The following SLC25A21 variants were observed in gnomAD, a reference collection of about 807,000 sequenced individuals.
SLC25A21 encodes solute carrier family 25 member 21.
SLC25A21 carries 47 observed loss-of-function variants against 43.8 expected under a neutral mutation model. That is an observed-to-expected ratio of 1.07 (90% CI 0.85 to 1.37). The LOEUF is 1.37. Among genes scored for constraint, SLC25A21 ranks in the 40% most tolerant of loss-of-function variants. SLC25A21 has a pLI of 0.00. For missense variants in SLC25A21, 352 were observed against 350.2 expected (o/e 1.00, Z -0.04); for synonymous variants, 131 against 121.3 (o/e 1.08, Z -0.52).
chr14:37,054,605 A>G (rs964044432), intron 1 of SLC25A21, among the ~76,000 whole-genome samples: 11 of 152,242 alleles, frequency 7.2e-5, no homozygotes, highest in Admixed American at 5.2e-4. Context: ...GGCTCTCAGG[A>G]GACTTGGTGA....
chr14:36,682,354 T>C (rs1882314873), intron 9 of SLC25A21, among the ~76,000 whole-genome samples: 1 of 152,162 alleles, frequency 6.6e-6, no homozygotes, highest in South Asian at 2.1e-4. Context: ...ATTCACAGTT[T>C]GGCTTAGCCT....
At chr14:37,074,380 T>C (rs1420921522) in intron 1 of SLC25A21, among the ~76,000 whole-genome samples, 2 of 152,240 alleles carry the variant, frequency 1.3e-5, no homozygotes, top group African/African-American at 4.8e-5. Context: ...TCCTCACTTA[T>C]GTTAGACATT....
At position 36,996,766 on chromosome 14, in the gene SLC25A21, CAGG is replaced by C. The variant is rs1960380700; in HGVS notation, c.71-121765_71-121763del. Among the ~76,000 whole-genome samples the C allele has an allele frequency of 2.6e-5, 4 of 152,266 alleles. No individual in the cohort carries two copies. In the South Asian group the frequency reaches 8.3e-4, roughly 32 times the overall value. ...CAGCCGAGGAGTCAGCACATTCTCA[CAGG>C]AGAAGTGACTTGGCCACGGCCCTGT... On this transcript the variant is annotated intron_variant, in intron 1 of 9. Coordinates refer to ENST00000331299, the MANE Select transcript of SLC25A21 (RefSeq NM_030631.4).
chr14:37,033,958 C>T (rs1961272484), intron 1 of SLC25A21, among the ~76,000 whole-genome samples: 1 of 151,864 alleles, frequency 6.6e-6, no homozygotes, highest in African/African-American at 2.4e-5. Context: ...TTCCATTTAG[C>T]AATTTGGAAT....
At chr14:36,746,597 T>A (rs550770994) in intron 3 of SLC25A21, among the ~76,000 whole-genome samples, 55 of 152,304 alleles carry the variant, frequency 3.6e-4, no homozygotes, top group Admixed American at 3.6e-3. Flanking sequence ...CTAAATCTAT[T>A]TTTTATTAAG....
intron 3 of SLC25A21, among the ~76,000 whole-genome samples, chr14:36,767,905 A>C (rs1886474432): frequency 6.6e-6 from 1 of 152,178 alleles, no homozygotes; most frequent in African/African-American, 2.4e-5. Context: ...CAGGCTTTGG[A>C]TCTGAAGTTT....
At chr14:36,712,928 A>G (rs759349967) in intron 6 of SLC25A21, among the ~76,000 whole-genome samples, 20 of 152,146 alleles carry the variant, frequency 1.3e-4, no homozygotes, top group Non-Finnish European at 2.8e-4. Context: ...GCAGAAACTC[A>G]TTTTTGTTGG....
At chr14:36,946,178 T>C (rs1213414979) in intron 1 of SLC25A21, among the ~76,000 whole-genome samples, 1 of 152,170 alleles carries the variant, frequency 6.6e-6, no homozygotes, top group Non-Finnish European at 1.5e-5. Context: ...GGAGACAAGT[T>C]TGCAAATGCA....
intron 1 of SLC25A21, among the ~76,000 whole-genome samples, chr14:36,877,289 C>G (rs538921210): frequency 6.6e-6 from 1 of 152,180 alleles, no homozygotes; most frequent in Non-Finnish European, 1.5e-5. Flanking sequence ...TTAAAGCTTA[C>G]AGCAAGACTT....
intron 1 of SLC25A21, among the ~76,000 whole-genome samples, chr14:36,924,070 T>G (rs540557400): frequency 8.5e-5 from 13 of 152,230 alleles, no homozygotes; most frequent in African/African-American, 3.1e-4. Context: ...ACTTTTACAC[T>G]GTTGGTGGGA....
At chr14:36,778,137 C>T (rs61996669) in intron 3 of SLC25A21, among the ~76,000 whole-genome samples, 27,078 of 152,112 alleles carry the variant, frequency 0.18, 2,798 homozygotes, top group East Asian at 0.3. Context: ...CTTCAGTGGA[C>T]TCCCTTCCTT....
intron 1 of SLC25A21, among the ~76,000 whole-genome samples, chr14:37,087,086 C>T (rs887649111): frequency 7.2e-5 from 11 of 152,130 alleles, no homozygotes; most frequent in Admixed American, 5.2e-4. Flanking sequence ...TTAGACTAGA[C>T]GCTTTTCGTG....
intron 1 of SLC25A21, among the ~76,000 whole-genome samples, chr14:37,110,442 C>T (rs1962997506): frequency 6.6e-6 from 1 of 152,172 alleles, no homozygotes; most frequent in Non-Finnish European, 1.5e-5. Flanking sequence ...AAAACACAGC[C>T]TCTTCCAAGC....
chr14:36,977,928 G>T (rs1959917535), intron 1 of SLC25A21, among the ~76,000 whole-genome samples: 1 of 138,598 alleles, frequency 7.2e-6, no homozygotes. Context: ...ACACTCCTCA[G>T]TGATTACAAA....
intron 4 of SLC25A21, 99 bp from the exon 5 acceptor site, chr14:36,729,665 C>A: frequency 1.0e-6 from 1 of 993,718 alleles, no homozygotes; most frequent in South Asian, 1.6e-5. Flanking sequence ...TGTTAACCAG[C>A]ATTTCAAAAA....
chr14:36,761,065 C>T (rs1377196105), intron 3 of SLC25A21, among the ~76,000 whole-genome samples: 1 of 152,210 alleles, frequency 6.6e-6, no homozygotes, highest in Non-Finnish European at 1.5e-5. Flanking sequence ...TCTTTAATTA[C>T]AGCCACAGAG....
intron 2 of SLC25A21, among the ~76,000 whole-genome samples, chr14:36,858,321 G>A (rs1168911458): frequency 6.6e-6 from 1 of 152,050 alleles, no homozygotes; most frequent in Non-Finnish European, 1.5e-5. Flanking sequence ...GTGAACCTCT[G>A]GGAGTTGAGA....
At chr14:36,876,205 C>A (rs1409428591) in intron 1 of SLC25A21, among the ~76,000 whole-genome samples, 1 of 152,150 alleles carries the variant, frequency 6.6e-6, no homozygotes, top group Admixed American at 6.5e-5. Context: ...CCATATTTAT[C>A]CACACAAATG....
intron 1 of SLC25A21, among the ~76,000 whole-genome samples, chr14:37,033,849 C>T (rs943177444): frequency 2.4e-4 from 36 of 152,200 alleles, no homozygotes; most frequent in Non-Finnish European, 1.3e-4. Flanking sequence ...ATTTACATCT[C>T]AAAGTTATAA....
Sources: allele counts gnomAD v4.1 joint callset (sites outside exome capture counted in the v4.1 genomes callset), GRCh38; gene constraint gnomAD v4.1.1; transcripts MANE v1.5; gene names NCBI Gene and HGNC (gene_info 2026-07-23, HGNC 2026-07-21).